FAM167A: variants seen among roughly 807,000 people sequenced by gnomAD.
The protein encoded by FAM167A is protein FAM167A.
FAM167A carries 23 observed loss-of-function variants against 14.9 expected under a neutral mutation model. The ratio of observed to expected loss-of-function variants is 1.55; its 90% confidence interval spans 1.11 to 2.19. FAM167A has a LOEUF of 2.19. Among genes scored for constraint, FAM167A ranks in the 30% most tolerant of loss-of-function variants. FAM167A has a pLI of 0.00. For synonymous variants in FAM167A, 174 were observed against 117.7 expected, an observed-to-expected ratio of 1.48 and a Z score of -3.10; for missense variants, 401 against 281.5, an observed-to-expected ratio of 1.42 and a Z score of -3.04.
At chr8:11,440,545 C>G (rs962820442) in intron 2 of FAM167A, among the ~76,000 whole-genome samples, 1 of 152,152 alleles carries the variant, frequency 6.6e-6, no homozygotes, top group African/African-American at 2.4e-5. Context: ...GCTTCCAGAC[C>G]CAGCACTGCC....
At chr8:11,440,288 C>T (rs1282238982) in intron 2 of FAM167A, among the ~76,000 whole-genome samples, 8 of 152,198 alleles carry the variant, frequency 5.3e-5, no homozygotes, top group African/African-American at 9.7e-5. Context: ...AGCTGGGAGT[C>T]GCACTAAGAG....
chr8:11,440,285 A>AGT (rs1806355099), intron 2 of FAM167A, among the ~76,000 whole-genome samples: 1 of 152,172 alleles, frequency 6.6e-6, no homozygotes, highest in African/African-American at 2.4e-5. Flanking sequence ...CTTAGCTGGG[A>AGT]GTCGCACTAA....
chr8:11,436,711 G>C (rs909403730), intron 2 of FAM167A, among the ~76,000 whole-genome samples: 4 of 152,312 alleles, frequency 2.6e-5, no homozygotes, highest in African/African-American at 9.6e-5. Flanking sequence ...AAGTGCCCTG[G>C]GGTCACCTGA....
rs990192686 is a variant in FAM167A at position 11,423,788 on chromosome 8, C to G, written c.*585G>C. 6.3e-6 allele frequency: 1 copy of G among 158,638 alleles called. No individual in the cohort carries two copies. Among genetic ancestry groups the G allele is most frequent in the Non-Finnish European group, 1.4e-5 (1 of 71,592 alleles). 9.8% of individuals were successfully genotyped at this position (158,638 alleles called of 1,614,324 possible). On this transcript the variant is annotated 3_prime_UTR_variant, in exon 3 of 3. Coordinates refer to ENST00000284486, the MANE Select transcript of FAM167A (RefSeq NM_053279.3). ...TATAGTGTCAGGCTCACCAGAGACA[C>G]TGGCTGCCAGCCACTGGGGCTGCGT...
intron 2 of FAM167A, chr8:11,433,975 G>A (rs1805804867): frequency 6.6e-6 from 1 of 152,172 alleles, no homozygotes; most frequent in African/African-American, 2.4e-5. Context: ...AGAAGCCTGG[G>A]TAAAATTGTA....
chr8:11,438,177 C>G (rs1171993976), intron 2 of FAM167A: 2 of 455,124 alleles, frequency 4.4e-6, no homozygotes, highest in Non-Finnish European at 8.8e-6. Flanking sequence ...GCCTGCCTCT[C>G]TCAGCCCCGG....
At chr8:11,434,268 C>T (rs1269380099) in intron 2 of FAM167A, 1 of 152,332 alleles carries the variant, frequency 6.6e-6, no homozygotes, top group Non-Finnish European at 1.5e-5. Flanking sequence ...CACTCACGCT[C>T]TGCAGCCCAG....
Position 11,444,680 on chromosome 8 carries a change from G to C in FAM167A, c.-269C>G, listed in dbSNP as rs534690867. 8.1e-7 allele frequency: 1 copy of C among 1,241,328 alleles called. No individual in the cohort carries two copies. Among genetic ancestry groups the C allele is most frequent in the African/African-American group, 1.6e-5 (1 of 64,300 alleles). The allele number at this position is 1,241,328 out of a possible 1,614,324, so 76.9% of individuals were successfully genotyped here. ...CCATGCTCCACAGAAGGCAGGAACA[G>C]ACAGCGTCGCAGGAATCTCGGGGCA... is the stretch of plus-strand genomic sequence containing the variant. On this transcript the variant is annotated 5_prime_UTR_variant, in exon 2 of 3. Transcript: ENST00000284486.
At chr8:11,464,943 CG>C (rs1433800191) in intron 1 of FAM167A, among the ~76,000 whole-genome samples, 1 of 152,098 alleles carries the variant, frequency 6.6e-6, no homozygotes, top group African/African-American at 2.4e-5. Context: ...GACAGGAAGG[CG>C]GGGACTGGCA....
At chr8:11,469,336 A>G (rs972709540), upstream of FAM167A, among the ~76,000 whole-genome samples, 2 of 152,250 alleles carry the variant, frequency 1.3e-5, no homozygotes, top group African/African-American at 4.8e-5. Flanking sequence ...ATCAAGAAAC[A>G]CTACTCAAAA....
intron 1 of FAM167A, among the ~76,000 whole-genome samples, chr8:11,459,296 C>A (rs1226895875): frequency 2.0e-5 from 3 of 152,170 alleles, no homozygotes; most frequent in Non-Finnish European, 2.9e-5. Context: ...GAAGGAACCA[C>A]CATTCCAGCT....
At chr8:11,460,537 G>A (rs190799387) in intron 1 of FAM167A, among the ~76,000 whole-genome samples, 111 of 152,348 alleles carry the variant, frequency 7.3e-4, no homozygotes, top group Middle Eastern at 3.4e-3. Flanking sequence ...AGCAGAGCCC[G>A]GTTTGCAGTG....
intron 1 of FAM167A, among the ~76,000 whole-genome samples, chr8:11,456,339 G>GA: frequency 7.2e-6 from 1 of 138,844 alleles, no homozygotes; most frequent in Admixed American, 7.0e-5. Context: ...GTGTGAGTGT[G>GA]GGGTGGTTGC....
In FAM167A at chr8:11,451,515, T is replaced by C. The variant is rs542756341; in HGVS notation, c.-397-6707A>G. On this transcript the variant is annotated intron_variant, in intron 1 of 2. Transcript: ENST00000284486. ...CGTTGGACTGTGTGTCTGTTTGCCA[T>C]ATCCAACACCCTCTCCTTTCCTGTG... Among the ~76,000 whole-genome samples, 4 of 152,342 alleles carry C rather than the reference T, an allele frequency of 2.6e-5. No homozygotes were observed. The East Asian group carries it at 7.7e-4, about 29-fold the overall frequency.
At chr8:11,447,179 TTTTC>T (rs1360195382) in intron 1 of FAM167A, among the ~76,000 whole-genome samples, 1 of 111,574 alleles carries the variant, frequency 9.0e-6, no homozygotes, top group Non-Finnish European at 1.8e-5. Flanking sequence ...TATTGGTTTC[TTTTC>T]TTTTTCTTTT....
intron 2 of FAM167A, among the ~76,000 whole-genome samples, chr8:11,439,511 G>C (rs1001056001): frequency 2.6e-5 from 4 of 152,244 alleles, no homozygotes; most frequent in African/African-American, 9.6e-5. Context: ...GCTGAGTTTA[G>C]GTCACAGGCC....
At chr8:11,432,293 G>C (rs1226359050) in intron 2 of FAM167A, among the ~76,000 whole-genome samples, 1 of 152,156 alleles carries the variant, frequency 6.6e-6, no homozygotes, top group Non-Finnish European at 1.5e-5. Flanking sequence ...GCAACCTACA[G>C]AATGGGAGAA....
upstream of FAM167A, among the ~76,000 whole-genome samples, chr8:11,470,366 G>C (rs1041992447): frequency 6.6e-6 from 1 of 152,150 alleles, no homozygotes; most frequent in South Asian, 2.1e-4. Flanking sequence ...GCCAACAAAC[G>C]TGCCTGCCAC....
At chr8:11,465,441 G>C (rs897581077) in intron 1 of FAM167A, among the ~76,000 whole-genome samples, 1 of 152,242 alleles carries the variant, frequency 6.6e-6, no homozygotes, top group African/African-American at 2.4e-5. Flanking sequence ...CTTGAAGACT[G>C]ATGGGGAGGA....
Sources: gnomAD v4.1 joint callset for allele counts (sites outside exome capture counted in the v4.1 genomes callset) on GRCh38, gnomAD v4.1.1 for gene constraint, MANE v1.5 for transcripts, NCBI Gene and HGNC (gene_info 2026-07-23, HGNC 2026-07-21) for gene names.